The following DOK5 variants were observed in gnomAD, a reference collection of about 807,000 sequenced individuals.
The protein encoded by DOK5 is downstream of tyrosine kinase 5.
Under a neutral mutation model 43.3 loss-of-function variants are expected in DOK5, and 27 were observed. The ratio of observed to expected loss-of-function variants is 0.62; its 90% CI spans 0.46 to 0.86. The LOEUF (loss-of-function observed/expected upper bound fraction) is 0.86, where lower values mean the gene tolerates loss of function less well. Among genes scored for constraint, DOK5 ranks in the 40% least tolerant of loss-of-function variants. The pLI is 0.00. For missense variants in DOK5, 373 were observed against 392.9 expected (o/e 0.95, Z 0.43); for synonymous variants, 146 against 140.1 (o/e 1.04, Z -0.30).
intron 6 of DOK5, among the ~76,000 whole-genome samples, chr20:54,622,322 G>C (rs538089688): frequency 3.3e-5 from 5 of 152,320 alleles, no homozygotes; most frequent in African/African-American, 1.2e-4. Context: ...TGAAACTCAG[G>C]CTTCTTCCTT....
chr20:54,535,055 A>C (rs543159099), intron 1 of DOK5, among the ~76,000 whole-genome samples: 4 of 152,104 alleles, frequency 2.6e-5, no homozygotes, highest in Non-Finnish European at 5.9e-5. Flanking sequence ...GCTGGTCTTG[A>C]ACTCCTGACC....
Position 54,554,965 on chromosome 20 carries a change from A to G in DOK5, c.99A>G (p.Lys33=). Residue 33 remains lysine, a synonymous_variant, in exon 2 of 8, where the codon AAA becomes AAG. Coordinates refer to ENST00000262593, the MANE Select transcript of DOK5 (RefSeq NM_018431.5). ...IYQRCWLVFK[K]ASSKGPKRLE... is the part of the protein sequence containing the mutation. ...AGCGATGCTGGTTAGTATTCAAGAA[A>G]GCTTCAAGCAAAGGTCCAAAAAGAC... 6.2e-7 allele frequency: 1 copy of G among 1,613,852 alleles called. No homozygotes were observed. The highest frequency in any genetic ancestry group is 1.7e-5 in the Admixed American group (1 of 60,026).
At position 54,519,145 on chromosome 20, in the gene DOK5, T is replaced by A. The variant is rs142141493; in HGVS notation, c.67-35788T>A. ...TTGAGGCTTGTGGAGTTGCTTAACA[T>A]GTCCAGGATCACCTAATGCTCCAAC... On this transcript the variant is annotated intron_variant, in intron 1 of 7. Transcript: ENST00000262593. Among the ~76,000 whole-genome samples the A allele has an allele frequency of 1.2e-4, 19 of 152,360 alleles. No individual in the cohort carries two copies. The East Asian group carries it at 3.7e-3, about 29-fold the overall frequency.
intron 6 of DOK5, among the ~76,000 whole-genome samples, chr20:54,639,251 G>A (rs537835063): frequency 2.0e-5 from 3 of 152,296 alleles, no homozygotes; most frequent in African/African-American, 7.2e-5. Context: ...GTCTTGCTCA[G>A]CTCCTGTTCA....
chr20:54,539,627 A>G (rs1287688538), intron 1 of DOK5, among the ~76,000 whole-genome samples: 2 of 152,182 alleles, frequency 1.3e-5, no homozygotes, highest in Admixed American at 6.5e-5. Context: ...CGCTTGCTCC[A>G]GAAGAATAAG....
At chr20:54,616,856 C>T (rs572815070) in intron 6 of DOK5, among the ~76,000 whole-genome samples, 7 of 140,628 alleles carry the variant, frequency 5.0e-5, no homozygotes, top group Middle Eastern at 4.0e-3. Context: ...GGCGCTATCT[C>T]GGCTCACTGC....
At chr20:54,508,378 C>G (rs1982890351) in intron 1 of DOK5, among the ~76,000 whole-genome samples, 1 of 150,298 alleles carries the variant, frequency 6.7e-6, no homozygotes, top group Non-Finnish European at 1.5e-5. Context: ...TTGGAAATGA[C>G]TGTTCCAGGC....
chr20:54,477,999 T>TA (rs1263812540), intron 1 of DOK5, among the ~76,000 whole-genome samples: 14 of 152,340 alleles, frequency 9.2e-5, no homozygotes, highest in Non-Finnish European at 1.5e-4. Context: ...TTGTTTTATG[T>TA]TTTACAGCAT....
In DOK5 at chr20:54,535,579, G is replaced by C. The variant is rs528124399; in HGVS notation, c.67-19354G>C. Among the ~76,000 whole-genome samples, 6 of 151,370 alleles carry C rather than the reference G, an allele frequency of 4.0e-5. No homozygotes were observed. The South Asian group carries it at 1.3e-3, about 32-fold the overall frequency. ...TATATCTCCAGTTTTGCTACAGCTT[G>C]TTTTTAACAAATATATTCTATATTT... is the stretch of plus-strand genomic sequence containing the variant. On this transcript the variant is annotated intron_variant, in intron 1 of 7. Coordinates refer to ENST00000262593, the MANE Select transcript of DOK5 (RefSeq NM_018431.5).
chr20:54,568,381 C>T (rs1985162619), intron 2 of DOK5, among the ~76,000 whole-genome samples: 1 of 152,186 alleles, frequency 6.6e-6, no homozygotes, highest in South Asian at 2.1e-4. Context: ...AATCCAAGTA[C>T]ACATATAATC....
At chr20:54,495,590 T>TA (rs1169224982) in intron 1 of DOK5, among the ~76,000 whole-genome samples, 1 of 152,200 alleles carries the variant, frequency 6.6e-6, no homozygotes, top group East Asian at 1.9e-4. Flanking sequence ...TGAGATTGAT[T>TA]AAAGATTTAG....
intron 1 of DOK5, among the ~76,000 whole-genome samples, chr20:54,543,740 G>C (rs1230218292): frequency 6.6e-6 from 1 of 151,864 alleles, no homozygotes; most frequent in Non-Finnish European, 1.5e-5. Context: ...AAAAAGCAGG[G>C]GCAACCTCCT....
At chr20:54,605,128 A>C (rs878913020) in intron 5 of DOK5, among the ~76,000 whole-genome samples, 10 of 128,666 alleles carry the variant, frequency 7.8e-5, no homozygotes, top group African/African-American at 4.1e-4. Context: ...CACACACACA[A>C]ACACACACAG....
At chr20:54,496,834 C>T (rs916538590) in intron 1 of DOK5, among the ~76,000 whole-genome samples, 3 of 150,646 alleles carry the variant, frequency 2.0e-5, no homozygotes, top group African/African-American at 2.4e-5. Context: ...CAGAGAGATT[C>T]GATATTAACT....
intron 2 of DOK5, among the ~76,000 whole-genome samples, chr20:54,560,259 C>G (rs918315197): frequency 6.6e-6 from 1 of 152,188 alleles, no homozygotes; most frequent in Non-Finnish European, 1.5e-5. Flanking sequence ...TCACAGCCCC[C>G]TCTTTCAATA....
intron 1 of DOK5, chr20:54,494,753 G>A (rs570934911): frequency 9.3e-5 from 14 of 151,204 alleles, no homozygotes; most frequent in African/African-American, 3.4e-4. Flanking sequence ...AGCCCTTGCT[G>A]AGAGTACATC....
At chr20:54,647,905 C>T (rs920491140) in intron 7 of DOK5, among the ~76,000 whole-genome samples, 14 of 152,246 alleles carry the variant, frequency 9.2e-5, no homozygotes, top group African/African-American at 3.4e-4. Context: ...CACGTGCCAC[C>T]AGTGCAGTGC....
intron 1 of DOK5, among the ~76,000 whole-genome samples, chr20:54,484,097 G>A (rs1270338164): frequency 1.3e-5 from 2 of 152,178 alleles, no homozygotes; most frequent in African/African-American, 2.4e-5. Context: ...ATTAAGATCA[G>A]GTTGGGTGTG....
chr20:54,519,785 G>A (rs923635315), intron 1 of DOK5, among the ~76,000 whole-genome samples: 3 of 152,164 alleles, frequency 2.0e-5, no homozygotes, highest in African/African-American at 7.2e-5. Context: ...TTGGCTCTAT[G>A]CTATGAGATA....
Sources: gnomAD v4.1 joint callset for allele counts (sites outside exome capture counted in the v4.1 genomes callset) on GRCh38, gnomAD v4.1.1 for gene constraint, MANE v1.5 for transcripts, NCBI Gene and HGNC (gene_info 2026-07-23, HGNC 2026-07-21) for gene names.